FANCM: variants seen among roughly 807,000 people sequenced by gnomAD.
FANCM encodes the protein FA complementation group M.
Under a neutral mutation model 199.5 loss-of-function variants are expected in FANCM, and 140 were observed. The observed-to-expected ratio is 0.70, with a 90% CI of 0.61 to 0.81. The LOEUF (loss-of-function observed/expected upper bound fraction) is 0.81. Among genes scored for constraint, FANCM ranks in the 30% least tolerant of loss-of-function variants. The pLI, the probability that FANCM is intolerant of heterozygous loss-of-function variation, is 0.00. For synonymous variants in FANCM, 840 were observed against 836.8 expected (o/e 1.00, Z -0.07); for missense variants, 2,410 against 2,421.4 (o/e 1.00, Z 0.10).
chr14:45,137,416 A>G (rs1203882992), intron 2 of FANCM, 175 bp downstream of exon 2: 1 of 620,594 alleles, frequency 1.6e-6, no homozygotes, highest in Non-Finnish European at 2.8e-6. Flanking sequence ...ATCCATTCAA[A>G]TCAGTGTCTT....
At chr14:45,174,665 T>C (rs1012203078) in intron 13 of FANCM, among the ~76,000 whole-genome samples, 2 of 152,074 alleles carry the variant, frequency 1.3e-5, no homozygotes, top group African/African-American at 4.8e-5. Context: ...TTACTGTCAT[T>C]GAAAGAGTAA....
chr14:45,157,172 G>A (rs1887259119), intron 8 of FANCM, among the ~76,000 whole-genome samples: 3 of 152,032 alleles, frequency 2.0e-5, no homozygotes, highest in Non-Finnish European at 4.4e-5. Context: ...AAAAGAAAGA[G>A]CAAACATGTT....
chr14:45,199,021 A>G, intron 22 of FANCM, 86 bp downstream of exon 22: 1 of 1,055,690 alleles, frequency 9.5e-7, no homozygotes, highest in South Asian at 1.5e-5. Context: ...AAAAAATTTA[A>G]GCGGCATCAT....
intron 19 of FANCM, among the ~76,000 whole-genome samples, 175 bp downstream of exon 19, chr14:45,188,062 T>C (rs1222477883): frequency 1.3e-5 from 2 of 152,182 alleles, no homozygotes; most frequent in East Asian, 1.9e-4. Flanking sequence ...TTTTTGGCCA[T>C]GTGCGGTGGC....
chr14:45,183,632 A>T (rs1889199278), intron 16 of FANCM, 142 bp from the exon 17 acceptor site: 8 of 597,684 alleles, frequency 1.3e-5, no homozygotes, highest in Non-Finnish European at 2.3e-5. Context: ...ATATTACCTA[A>T]GTTATTTACT....
chr14:45,151,326 T>C (rs1886800362), intron 4 of FANCM, 71 bp from the exon 5 acceptor site: 1 of 1,195,010 alleles, frequency 8.4e-7, no homozygotes, highest in South Asian at 1.3e-5. Flanking sequence ...TATTTTAATA[T>C]GTGAGAAAAT....
chr14:45,193,112 AG>A (rs1214907197), intron 20 of FANCM, among the ~76,000 whole-genome samples: 1 of 152,234 alleles, frequency 6.6e-6, no homozygotes, highest in Non-Finnish European at 1.5e-5. Context: ...TGGAACAAAA[AG>A]CTTTAAGCTA....
chr14:45,160,539 A>G (rs558822626), intron 9 of FANCM, among the ~76,000 whole-genome samples: 37 of 134,882 alleles, frequency 2.7e-4, no homozygotes, highest in African/African-American at 8.1e-4. Context: ...TTGGTCAGGT[A>G]TTCTTTTTTT....
rs932978530 is a variant in FANCM at position 45,159,132 on chromosome 14, G to A, written c.1433G>A (p.Arg478Gln). 7 of 1,612,100 alleles carry A rather than the reference G, an allele frequency of 4.3e-6. No homozygotes were observed. Among genetic ancestry groups the A allele is most frequent in the African/African-American group, 1.3e-5 (1 of 74,856 alleles). The part of the protein sequence containing the change: ...NTTEKKRDET[R>Q]VMIFSSFRDS... Reference sequence around the variant, plus strand: ...ACTGAAAAGAAACGTGATGAGACCCGAGTTATGATCTTCTCTTCATTTCGA... The same window carrying A: ...ACTGAAAAGAAACGTGATGAGACCCAAGTTATGATCTTCTCTTCATTTCGA... The change falls in exon 9 of 23, where the codon CGA becomes CAA. Residue 478 changes from arginine to glutamine, a missense_variant. Coordinates refer to ENST00000267430, the MANE Select transcript of FANCM (RefSeq NM_020937.4).
intron 5 of FANCM, among the ~76,000 whole-genome samples, chr14:45,151,910 CTT>C (rs1886845271): frequency 9.8e-6 from 1 of 101,672 alleles, no homozygotes; most frequent in African/African-American, 4.6e-5. Context: ...TTAGACCTGT[CTT>C]AAAAAAAAAA....
chr14:45,189,362 G>GGAATCACT lies in FANCM; in HGVS notation c.5340+1_5340+2insAATCACTG, dbSNP rs755847089. On this transcript the variant is annotated frameshift_variant and splice_region_variant. Coordinates refer to ENST00000267430, the MANE Select transcript of FANCM (RefSeq NM_020937.4). LOFTEE classifies it high-confidence loss of function. ...GTAGAAAATTTCCAGTTCCACAGAA[G>GGAATCACT]GTATGGATCAAAGAAAGGAAAAATA... 54 of 1,602,942 alleles carry GGAATCACT rather than the reference G, an allele frequency of 3.4e-5. 2 individuals are homozygous for GGAATCACT. In the South Asian group the frequency reaches 5.7e-4, roughly 17 times the overall value.
chr14:45,145,014 A>G (rs1405395189), intron 3 of FANCM, among the ~76,000 whole-genome samples: 1 of 151,968 alleles, frequency 6.6e-6, no homozygotes, highest in African/African-American at 2.4e-5. Flanking sequence ...GCTGATGGTT[A>G]TTTAGGGCCC....
In FANCM at chr14:45,164,960, CTAAA is replaced by C. The variant is rs113033615; in HGVS notation, c.1788+399_1788+402del. Among the ~76,000 whole-genome samples, 245 of 152,160 alleles carry C rather than the reference CTAAA, an allele frequency of 1.6e-3. 4 individuals carry two copies. Among genetic ancestry groups the C allele is most frequent in the African/African-American group, 5.8e-3 (239 of 41,512 alleles). On this transcript the variant is annotated intron_variant, in intron 10 of 22. Transcript: ENST00000267430. Reference sequence around the variant, plus strand: ...TTTCAAGGGCTGTCAAAATAACTGACTAAATAAGAAACAAAGAACATGTATCAGA... The same window carrying C: ...TTTCAAGGGCTGTCAAAATAACTGACTAAGAAACAAAGAACATGTATCAGA...
intron 8 of FANCM, 140 bp from the exon 9 acceptor site, chr14:45,158,956 G>T: frequency 1.6e-6 from 1 of 612,794 alleles, no homozygotes; most frequent in Non-Finnish European, 2.7e-6. Flanking sequence ...ATAGGTGTGT[G>T]CCACCACATC....
chr14:45,151,180 TG>T lies in FANCM; in HGVS notation c.919-216del, dbSNP rs562458999. Reference sequence around the variant, plus strand: ...AACGAATGTGTTGTTAAATTACAGTTGTATATAATAATTGCTTATGTTGATT... The same window carrying T: ...AACGAATGTGTTGTTAAATTACAGTTTATATAATAATTGCTTATGTTGATT... On this transcript the variant is annotated intron_variant, in intron 4 of 22. Transcript: ENST00000267430. 5.5e-3 allele frequency among the ~76,000 whole-genome samples: 835 copies of T among 152,330 alleles called. 2 individuals are homozygous for T. The highest frequency in any genetic ancestry group is 7.4e-3 in the Non-Finnish European group (500 of 68,026).
intron 18 of FANCM, 145 bp downstream of exon 18, chr14:45,185,518 AAATTCTTT>A (rs1889347061): frequency 3.5e-6 from 2 of 568,970 alleles, no homozygotes; most frequent in Non-Finnish European, 6.1e-6. Context: ...ATTTTCATTC[AAATTCTTT>A]AATACTTGCT....
intron 10 of FANCM, among the ~76,000 whole-genome samples, chr14:45,164,955 A>G (rs1228590332): frequency 6.6e-6 from 1 of 152,206 alleles, no homozygotes; most frequent in Non-Finnish European, 1.5e-5. Flanking sequence ...TGTCAAAATA[A>G]CTGACTAAAT....
chr14:45,179,215 T>A (rs1000434723), intron 14 of FANCM, among the ~76,000 whole-genome samples: 2 of 151,816 alleles, frequency 1.3e-5, no homozygotes, highest in African/African-American at 4.8e-5. Flanking sequence ...AATAAATAAA[T>A]AAAAATAAAA....
chr14:45,145,830 C>T (rs1429732349), intron 3 of FANCM, among the ~76,000 whole-genome samples: 5 of 151,894 alleles, frequency 3.3e-5, no homozygotes, highest in East Asian at 3.9e-4. Flanking sequence ...GAGGCCGAGG[C>T]GGGCGGATCA....
Sources: gnomAD v4.1 joint callset for allele counts (sites outside exome capture counted in the v4.1 genomes callset) on GRCh38, gnomAD v4.1.1 for gene constraint, MANE v1.5 for transcripts, NCBI Gene and HGNC (gene_info 2026-07-23, HGNC 2026-07-21) for gene names.